The following SHANK2 variants were observed in gnomAD, a reference collection of about 807,000 sequenced individuals.
SHANK2 encodes the protein SH3 and multiple ankyrin repeat domains 2.
A neutral mutation model predicts 133.7 loss-of-function variants in SHANK2; 43 were observed. That is an observed-to-expected ratio of 0.32 (90% CI 0.25 to 0.41). The LOEUF (loss-of-function observed/expected upper bound fraction) is 0.41. Among genes scored for constraint, SHANK2 ranks in the 10% least tolerant of loss-of-function variants. The pLI is 1.00. For missense variants in SHANK2, 1,994 were observed against 2,235.8 expected, an observed-to-expected ratio of 0.89 and a Z score of 2.18; for synonymous variants, 1,017 against 952.8, an observed-to-expected ratio of 1.07 and a Z score of -1.24.
chr11:71,066,011 G>A (rs1211624928), intron 9 of SHANK2, among the ~76,000 whole-genome samples: 3,702 of 128,354 alleles, frequency 0.029, 137 homozygotes, highest in Non-Finnish European at 0.047. Context: ...ACTCTCCCAG[G>A]GAGATGAGTG....
At chr11:70,572,350 G>T (rs2060056165) in intron 17 of SHANK2, among the ~76,000 whole-genome samples, 1 of 152,176 alleles carries the variant, frequency 6.6e-6, no homozygotes, top group Non-Finnish European at 1.5e-5. Context: ...AGTAGAGATG[G>T]GGTTTTGCCA....
intron 14 of SHANK2, among the ~76,000 whole-genome samples, chr11:70,740,298 C>T (rs535478562): frequency 1.5e-3 from 225 of 152,114 alleles, no homozygotes; most frequent in Non-Finnish European, 2.6e-3. Context: ...AAAGGTTGTC[C>T]GCAATGGGTT....
At chr11:70,557,285 TAC>T (rs1554979866) in intron 17 of SHANK2, among the ~76,000 whole-genome samples, 1 of 152,038 alleles carries the variant, frequency 6.6e-6, no homozygotes, top group East Asian at 1.9e-4. Flanking sequence ...TCTCACGAAT[TAC>T]AGACAAAAAG....
intron 17 of SHANK2, among the ~76,000 whole-genome samples, chr11:70,523,899 C>T (rs1486565752): frequency 3.9e-5 from 6 of 152,184 alleles, no homozygotes; most frequent in African/African-American, 1.4e-4. Flanking sequence ...GTCCTCCCTC[C>T]CCTGTGCTGC....
rs550331949 is a variant in SHANK2 at position 71,228,381 on chromosome 11, GTAGAA to G, written c.-112-3590_-112-3586del. Reference sequence around the variant, plus strand: ...AATTCTACACAATTTCTTCCAGAAAGTAGAATAGGAGAGAACATTTCTTAATTTAT... The same window carrying G: ...AATTCTACACAATTTCTTCCAGAAAGTAGGAGAGAACATTTCTTAATTTAT... On this transcript the variant is annotated intron_variant, in intron 1 of 25. Transcript: ENST00000601538. 7.2e-3 allele frequency among the ~76,000 whole-genome samples: 1,091 copies of G among 152,308 alleles called. 6 individuals are homozygous for G. The highest frequency in any genetic ancestry group is 0.013 in the Non-Finnish European group (871 of 68,016).
chr11:70,830,397 G>C lies in SHANK2; in HGVS notation c.1175-9715C>G, dbSNP rs986388375. Among the ~76,000 whole-genome samples, 5 of 152,154 alleles carry C rather than the reference G, an allele frequency of 3.3e-5. No individual in the cohort carries two copies. Among genetic ancestry groups the C allele is most frequent in the African/African-American group, 1.2e-4 (5 of 41,444 alleles). ...CACACTTGGGGTTATTGCAGGAGAC[G>C]AGCTCACCCCTGAGCCCCAGGTAGA... On this transcript the variant is annotated intron_variant, in intron 11 of 25. Transcript: ENST00000601538. The surrounding 1 kb of genome is among the most constrained non-coding windows in gnomAD (Gnocchi z 4.4).
chr11:71,216,831 A>G (rs1954423816), intron 2 of SHANK2, among the ~76,000 whole-genome samples: 1 of 152,240 alleles, frequency 6.6e-6, no homozygotes, highest in Non-Finnish European at 1.5e-5. Context: ...ATAGTACTCA[A>G]TAATAAGAAA....
At chr11:71,097,256 C>T (rs932567395) in intron 6 of SHANK2, among the ~76,000 whole-genome samples, 7 of 152,112 alleles carry the variant, frequency 4.6e-5, no homozygotes, top group African/African-American at 9.7e-5. Flanking sequence ...AGAGCACGTC[C>T]GCTGAGGTTC....
intron 17 of SHANK2, among the ~76,000 whole-genome samples, chr11:70,575,800 T>C (rs2060108733): frequency 6.6e-6 from 1 of 151,664 alleles, no homozygotes; most frequent in Non-Finnish European, 1.5e-5. Context: ...TGGTGGGTGA[T>C]GGGGTGGCAA....
intron 2 of SHANK2, among the ~76,000 whole-genome samples, chr11:71,158,312 C>T (rs1192112660): frequency 6.6e-6 from 1 of 152,066 alleles, no homozygotes; most frequent in Non-Finnish European, 1.5e-5. Context: ...TGAATTGTTA[C>T]ATTAGCAATA....
rs145200108 is a variant in SHANK2, at chr11:70,914,752, G to A, written c.1108-18185C>T. The stretch of plus-strand genomic sequence containing the variant: ...CAAAACAAAGTAAAATTAGCCCAGC[G>A]TGGTAGCGCACACCTGTAACCCCAG... On this transcript the variant is annotated intron_variant, in intron 10 of 25. Transcript: ENST00000601538. Among the ~76,000 whole-genome samples, 408 of 127,548 alleles carry A rather than the reference G, an allele frequency of 3.2e-3. 3 individuals are homozygous for A. Among genetic ancestry groups the A allele is most frequent in the East Asian group, 0.019 (82 of 4,296 alleles). The allele number at this position is 127,548 out of a possible 152,430, so 83.7% of individuals were successfully genotyped here. A position where few individuals can be genotyped will look rare whatever the true frequency, so the allele number is the denominator to read the frequency against.
chr11:71,085,850 A>AT (rs1951392179), intron 8 of SHANK2, among the ~76,000 whole-genome samples: 2 of 710 alleles, frequency 2.8e-3, no homozygotes, highest in African/African-American at 9.7e-3. Flanking sequence ...ACAATAATAT[A>AT]TATTGTTATT....
chr11:70,799,444 C>T (rs369922599), intron 13 of SHANK2, among the ~76,000 whole-genome samples: 2 of 152,062 alleles, frequency 1.3e-5, no homozygotes, highest in Admixed American at 6.6e-5. Context: ...AGAGGATGGG[C>T]GAGCAGCTCA....
chr11:70,485,740 G>A lies in SHANK2; in HGVS notation c.4553C>T (p.Thr1518Ile). The A allele has an allele frequency of 6.2e-7, 1 of 1,614,078 alleles. No individual in the cohort carries two copies. The highest frequency in any genetic ancestry group is 8.5e-7 in the Non-Finnish European group (1 of 1,180,030). The part of the protein sequence containing the change: ...STISTVSSIS[T>I]LSSEGGENVD... Reference sequence around the variant, plus strand: ...ATTCTCTCCACCTTCGGAAGACAGGGTGGAGATGCTAGACACGGTGGAGAT... The same window carrying A: ...ATTCTCTCCACCTTCGGAAGACAGGATGGAGATGCTAGACACGGTGGAGAT... Residue 1518 changes from threonine (T) to isoleucine (I), a missense_variant, in exon 25 of 26, where the codon ACC becomes ATC. Physicochemically the swap from Thr to Ile is moderately conservative, Grantham distance 89 (BLOSUM62 -1). Transcript: ENST00000601538. The surrounding 1 kb of genome is among the most constrained non-coding windows in gnomAD (Gnocchi z 5.8).
At chr11:71,086,978 G>A (rs1951428613) in intron 8 of SHANK2, among the ~76,000 whole-genome samples, 1 of 152,192 alleles carries the variant, frequency 6.6e-6, no homozygotes, top group African/African-American at 2.4e-5. Context: ...GACCACCAGA[G>A]GGCAGTGAAC....
intron 8 of SHANK2, among the ~76,000 whole-genome samples, chr11:71,080,236 C>T (rs1363977950): frequency 2.6e-5 from 4 of 152,262 alleles, no homozygotes; most frequent in African/African-American, 9.6e-5. Flanking sequence ...AGGCTCCACC[C>T]ATGTCTGCTG....
At position 71,252,103 on chromosome 11, in the gene SHANK2, G is replaced by T. The variant is rs1354010842; in HGVS notation, c.-113+322C>A. On this transcript the variant is annotated intron_variant, in intron 1 of 25. Transcript: ENST00000601538. This position sits in a 1 kb window ranked among gnomAD's most constrained non-coding sequence, Gnocchi z 6.3. ...GCCAGAGACTACGTGGTCCATGCGCGCAGGAGATAAAGCGGGGGCTCCTTC... is the reference window on the plus strand; with the variant it reads ...GCCAGAGACTACGTGGTCCATGCGCTCAGGAGATAAAGCGGGGGCTCCTTC... 6.6e-6 allele frequency among the ~76,000 whole-genome samples: 1 copy of T among 152,174 alleles called. No homozygotes were observed. Among genetic ancestry groups the T allele is most frequent in the East Asian group, 1.9e-4 (1 of 5,170 alleles).
At chr11:70,883,041 A>C (rs1949681380) in intron 11 of SHANK2, among the ~76,000 whole-genome samples, 1 of 152,092 alleles carries the variant, frequency 6.6e-6, no homozygotes, top group Non-Finnish European at 1.5e-5. Context: ...GCAGGAGTGA[A>C]GGGGCGGCTC....
chr11:70,698,396 GC>G, intron 15 of SHANK2: 1 of 486,038 alleles, frequency 2.1e-6, no homozygotes, highest in Non-Finnish European at 3.7e-6. Flanking sequence ...GTGGCCCACT[GC>G]CGTCATCCTT....
Sources: gnomAD v4.1 joint callset for allele counts (sites outside exome capture counted in the v4.1 genomes callset) on GRCh38, gnomAD v4.1.1 for gene constraint, Gnocchi (gnomAD v3.1) non-coding constraint, MANE v1.5 for transcripts, NCBI Gene and HGNC (gene_info 2026-07-23, HGNC 2026-07-21) for gene names.